Variants in ETFRF1 observed in about 807,000 individuals in gnomAD.
The protein encoded by ETFRF1 is LYR motif containing 5.
ETFRF1 carries 12 observed loss-of-function variants against 9.0 expected under a neutral mutation model. The ratio of observed to expected loss-of-function variants is 1.34; its 90% CI spans 0.86 to 2.16. The LOEUF is 2.16. Ranked by LOEUF, ETFRF1 falls within the 30% of genes most tolerant of loss-of-function variation. The pLI, the probability that ETFRF1 is intolerant of heterozygous loss-of-function variation, is 0.00. For missense variants in ETFRF1, 98 were observed against 101.8 expected (o/e 0.96, Z 0.16); for synonymous variants, 34 against 33.2 (o/e 1.02, Z -0.08).
intron 1 of ETFRF1, among the ~76,000 whole-genome samples, chr12:25,199,999 CAGG>C (rs1008645200): frequency 5.9e-5 from 9 of 152,120 alleles, no homozygotes; most frequent in African/African-American, 2.2e-4. Context: ...CACCTCAGGT[CAGG>C]AGTTCGAGAC....
chr12:25,199,647 C>CAA (rs931465197), intron 1 of ETFRF1, among the ~76,000 whole-genome samples: 1 of 149,426 alleles, frequency 6.7e-6, no homozygotes, highest in Non-Finnish European at 1.5e-5. Flanking sequence ...CACACACACA[C>CAA]AATGAAGCCA....
intron 1 of ETFRF1, among the ~76,000 whole-genome samples, chr12:25,199,728 T>G (rs1473572286): frequency 6.6e-5 from 10 of 152,030 alleles, no homozygotes; most frequent in Non-Finnish European, 2.9e-5. Context: ...GATTCCTTCC[T>G]GGTCTCCAGC....
intron 1 of ETFRF1, among the ~76,000 whole-genome samples, chr12:25,197,161 A>C (rs1951037677): frequency 1.3e-5 from 2 of 152,134 alleles, no homozygotes; most frequent in South Asian, 4.1e-4. Context: ...CTCAAAAAAA[A>C]AAAAAGATAA....
Position 25,205,115 on chromosome 12 carries a change from G to A in ETFRF1, c.*803G>A, listed in dbSNP as rs915648042. ...TACATAATATCCACAGCACCTTTTA[G>A]AAATAAAGGATACTTCTAACAAGCT... On this transcript the variant is annotated 3_prime_UTR_variant, in exon 3 of 3. Transcript: ENST00000381356. 1.8e-5 allele frequency: 4 copies of A among 216,508 alleles called. No homozygotes were observed. Among genetic ancestry groups the A allele is most frequent in the African/African-American group, 6.8e-5 (3 of 44,406 alleles). The allele number at this position is 216,508 out of a possible 1,614,324, so 13.4% of individuals were successfully genotyped here.
intron 1 of ETFRF1, among the ~76,000 whole-genome samples, chr12:25,201,416 A>G (rs969087652): frequency 6.6e-6 from 1 of 152,168 alleles, no homozygotes; most frequent in South Asian, 2.1e-4. Flanking sequence ...TCAAATTGCC[A>G]AAATTAAATA....
At chr12:25,200,161 G>A (rs1217754945) in intron 1 of ETFRF1, among the ~76,000 whole-genome samples, 1 of 152,012 alleles carries the variant, frequency 6.6e-6, no homozygotes, top group African/African-American at 2.4e-5. Flanking sequence ...AATGAGTTGA[G>A]ATCAGGCCAT....
At chr12:25,202,804 A>T (rs1454123082) in intron 1 of ETFRF1, among the ~76,000 whole-genome samples, 1 of 152,166 alleles carries the variant, frequency 6.6e-6, no homozygotes, top group Admixed American at 6.5e-5. Context: ...TAAAGAGGGG[A>T]AATGAAAATA....
rs1259165215 is a variant in ETFRF1 at position 25,195,252 on chromosome 12, A to C, written c.-123A>C. On this transcript the variant is annotated 5_prime_UTR_variant, in exon 1 of 3. Transcript: ENST00000381356. Reference sequence around the variant, plus strand: ...CGCCCCCTTTACTGACAGGTTGCCCACCTCCCCCAACGCCACCCCGCTTCG... The same window carrying C: ...CGCCCCCTTTACTGACAGGTTGCCCCCCTCCCCCAACGCCACCCCGCTTCG... 4 of 681,698 alleles carry C rather than the reference A, an allele frequency of 5.9e-6. No individual in the cohort carries two copies. The Admixed American group carries it at 6.6e-5, about 11-fold the overall frequency. The allele number at this position is 681,698 out of a possible 1,614,324, so 42.2% of individuals were successfully genotyped here.
rs1418969954 is a variant in ETFRF1 at position 25,203,904 on chromosome 12, AT to A, written c.-37-12del. 1.0e-5 allele frequency: 14 copies of A among 1,363,190 alleles called. No homozygotes were observed. The highest frequency in any genetic ancestry group is 9.6e-7 in the Non-Finnish European group (1 of 1,039,856). The allele number at this position is 1,363,190 out of a possible 1,614,324, so 84.4% of individuals were successfully genotyped here. ...CTACAATGCAGCTAATTGCAAAAAA[AT>A]TTTCCTTTCTTTAGGTATGTTATGC... On this transcript the variant is annotated splice_polypyrimidine_tract_variant and intron_variant, in intron 1 of 2. Transcript: ENST00000381356.
At chr12:25,199,334 A>G (rs1342923002) in intron 1 of ETFRF1, among the ~76,000 whole-genome samples, 4 of 27,714 alleles carry the variant, frequency 1.4e-4, no homozygotes, top group Non-Finnish European at 2.6e-4. Flanking sequence ...TATAGTACAT[A>G]CTGTACTATG....
At chr12:25,202,727 AAG>A (rs910809490) in intron 1 of ETFRF1, among the ~76,000 whole-genome samples, 1 of 152,142 alleles carries the variant, frequency 6.6e-6, no homozygotes, top group Admixed American at 6.5e-5. Flanking sequence ...TGATTATAAA[AAG>A]TAAATTTATT....
chr12:25,202,515 T>C (rs1485070041), intron 1 of ETFRF1, among the ~76,000 whole-genome samples: 2 of 152,072 alleles, frequency 1.3e-5, no homozygotes, highest in Admixed American at 6.5e-5. Context: ...AGGTGAGCCT[T>C]ACCCAGGAGG....
At chr12:25,197,264 T>TA (rs1172418329) in intron 1 of ETFRF1, among the ~76,000 whole-genome samples, 1 of 152,214 alleles carries the variant, frequency 6.6e-6, no homozygotes, top group Non-Finnish European at 1.5e-5. Context: ...TGTTTTATGA[T>TA]ACATAATTTG....
At chr12:25,200,387 A>G (rs1241346299) in intron 1 of ETFRF1, among the ~76,000 whole-genome samples, 1 of 152,216 alleles carries the variant, frequency 6.6e-6, no homozygotes, top group African/African-American at 2.4e-5. Context: ...ACAAGTGTCC[A>G]GATTGCAAGG....
intron 1 of ETFRF1, among the ~76,000 whole-genome samples, chr12:25,201,820 TG>T (rs1212391661): frequency 6.6e-6 from 1 of 152,136 alleles, no homozygotes; most frequent in African/African-American, 2.4e-5. Context: ...ACTTAAATTA[TG>T]TAGCGCATGA....
Position 25,204,245 on chromosome 12 carries a change from T to C in ETFRF1, c.206T>C (p.Leu69Ser), listed in dbSNP as rs1951105419. 2 of 1,609,604 alleles carry C rather than the reference T, an allele frequency of 1.2e-6. No individual in the cohort carries two copies. The highest frequency in any genetic ancestry group is 2.7e-5 in the African/African-American group (2 of 74,666). The change falls in exon 3 of 3, where the codon TTG (leucine) becomes TCG (serine). Residue 69 changes from leucine to serine, a missense_variant. Physicochemically the swap from Leu to Ser is moderately radical, Grantham distance 145. Transcript: ENST00000381356. ...GEFVMKELEA[L>S]YFLRKYRAMK... ...TTTGTAATGAAAGAGCTAGAAGCTTTGTACTTCCTTAGGAAATACAGAGCT... is the reference window on the plus strand; with the variant it reads ...TTTGTAATGAAAGAGCTAGAAGCTTCGTACTTCCTTAGGAAATACAGAGCT...
At chr12:25,201,249 A>G (rs1951071273) in intron 1 of ETFRF1, among the ~76,000 whole-genome samples, 1 of 152,200 alleles carries the variant, frequency 6.6e-6, no homozygotes, top group African/African-American at 2.4e-5. Context: ...CACATGCTTC[A>G]GTTGTGAGGA....
At chr12:25,201,827 C>T (rs920465061) in intron 1 of ETFRF1, among the ~76,000 whole-genome samples, 21 of 151,980 alleles carry the variant, frequency 1.4e-4, no homozygotes, top group African/African-American at 3.9e-4. Context: ...TTATGTAGCG[C>T]ATGATTTTTA....
intron 1 of ETFRF1, among the ~76,000 whole-genome samples, chr12:25,200,225 A>G (rs1951064590): frequency 6.6e-6 from 1 of 152,120 alleles, no homozygotes; most frequent in Admixed American, 6.5e-5. Flanking sequence ...AAAAAAAGAC[A>G]AATGGAAAAT....
Sources: allele counts gnomAD v4.1 joint callset (sites outside exome capture counted in the v4.1 genomes callset), GRCh38; gene constraint gnomAD v4.1.1; transcripts MANE v1.5; gene names NCBI Gene and HGNC (gene_info 2026-07-23, HGNC 2026-07-21).